The following HPF1 variants were observed in gnomAD, a reference collection of about 807,000 sequenced individuals.
HPF1 encodes UPF0609 protein C4orf27.
A neutral mutation model predicts 38.8 loss-of-function variants in HPF1; 35 were observed. The observed-to-expected ratio is 0.90, with a 90% CI of 0.69 to 1.19. The LOEUF (loss-of-function observed/expected upper bound fraction) is 1.19. HPF1 is among the 50% of genes most tolerant of loss of function. HPF1 has a pLI of 0.00. For missense variants in HPF1, 367 were observed against 405.8 expected (o/e 0.90, Z 0.82); for synonymous variants, 115 against 139.2 (o/e 0.83, Z 1.22).
chr4:169,735,154 G>GA (rs1733877008), intron 6 of HPF1, among the ~76,000 whole-genome samples: 1 of 150,036 alleles, frequency 6.7e-6, no homozygotes, highest in African/African-American at 2.4e-5. Flanking sequence ...AAGAAAGAAA[G>GA]AAAAAAAGAA....
At chr4:169,746,384 G>A (rs951001783) in intron 4 of HPF1, among the ~76,000 whole-genome samples, 1 of 151,974 alleles carries the variant, frequency 6.6e-6, no homozygotes, top group Non-Finnish European at 1.5e-5. Flanking sequence ...AGAAATCTTA[G>A]AATATGCTTT....
intron 1 of HPF1, 41 bp from the exon 2 acceptor site, chr4:169,753,876 T>C: frequency 6.6e-7 from 1 of 1,521,220 alleles, no homozygotes; most frequent in East Asian, 2.3e-5. Flanking sequence ...CAAATTTCAG[T>C]AACTCTCCTT....
chr4:169,757,762 C>A, intron 1 of HPF1, 68 bp downstream of exon 1: 1 of 1,382,990 alleles, frequency 7.2e-7, no homozygotes, highest in Non-Finnish European at 9.9e-7. Flanking sequence ...ATGAAAAGCG[C>A]TGCCTCCTGG....
chr4:169,750,609 A>G lies in HPF1; in HGVS notation c.325T>C (p.Tyr109His), dbSNP rs199715770. The change falls in exon 3 of 8, where the codon TAC (tyrosine) becomes CAC (histidine). Residue 109 changes from tyrosine (Y) to histidine (H), a missense_variant. Tyr to His is a moderately conservative substitution (Grantham distance 83, BLOSUM62 2). Coordinates refer to ENST00000393381, the MANE Select transcript of HPF1 (RefSeq NM_017867.3). ...GTCTGGAACTCAGGAGGATCATAGT[A>G]AAACCTCCAGTGAAGGTTAAAATTC... The part of the protein sequence containing the change: ...GLNFNLHWRF[Y>H]YDPPEFQTII... The G allele has an allele frequency of 6.2e-7, 1 of 1,612,716 alleles. No homozygotes were observed. Among genetic ancestry groups the G allele is most frequent in the African/African-American group, 1.3e-5 (1 of 75,000 alleles).
At chr4:169,753,049 T>TC (rs3074620) in intron 2 of HPF1, among the ~76,000 whole-genome samples, 5 of 148,240 alleles carry the variant, frequency 3.4e-5, no homozygotes, top group African/African-American at 1.2e-4. Context: ...TTTTTTTTTT[T>TC]CTGAGACAGG....
Position 169,731,690 on chromosome 4 carries a change from G to GT in HPF1, c.909+13dup, listed in dbSNP as rs1733830881. 10 of 1,505,064 alleles carry GT rather than the reference G, an allele frequency of 6.6e-6. No homozygotes were observed. The highest frequency in any genetic ancestry group is 2.4e-5 in the East Asian group (1 of 41,182). 93.2% of individuals were successfully genotyped at this position (1,505,064 alleles called of 1,614,324 possible). On this transcript the variant is annotated intron_variant, in intron 7 of 7. Transcript: ENST00000393381. ...TGTGGCAGTGGGTAGAAGGTGGAGG[G>GT]TTTTTTTACTCACATGTGAGCCATA... is the stretch of plus-strand genomic sequence containing the variant.
At chr4:169,737,606 C>T in intron 6 of HPF1, 54 bp downstream of exon 6, 1 of 1,140,668 alleles carries the variant, frequency 8.8e-7, no homozygotes, top group Non-Finnish European at 1.3e-6. Context: ...ATAAGCAAAA[C>T]CTTTATTCAT....
intron 6 of HPF1, among the ~76,000 whole-genome samples, chr4:169,735,081 C>A (rs1440444593): frequency 2.0e-5 from 3 of 150,692 alleles, no homozygotes; most frequent in African/African-American, 7.3e-5. Flanking sequence ...GAGCTGACAC[C>A]CTACCATTGC....
intron 1 of HPF1, 122 bp downstream of exon 1, chr4:169,757,708 C>T: frequency 9.9e-7 from 1 of 1,009,806 alleles, no homozygotes; most frequent in African/African-American, 1.6e-5. Flanking sequence ...CCGCAGCAAA[C>T]CGCAGCCCCT....
chr4:169,757,792 A>G lies in HPF1; in HGVS notation c.48+38T>C, dbSNP rs1185419581. ...TCCTGGTGCCCTGGCTGTCACCCAA[A>G]GCGCCCCGCGTAGCCCGCACAGCCT... On this transcript the variant is annotated intron_variant, in intron 1 of 7. Transcript: ENST00000393381. The G allele has an allele frequency of 1.7e-5, 26 of 1,539,268 alleles. No individual in the cohort carries two copies. In the African/African-American group the frequency reaches 3.0e-4, roughly 18 times the overall value.
chr4:169,748,772 T>C lies in HPF1; in HGVS notation c.469A>G (p.Asn157Asp), dbSNP rs749413333. The C allele has an allele frequency of 1.6e-5, 23 of 1,470,158 alleles. No homozygotes were observed. In the East Asian group the frequency reaches 5.3e-4, roughly 34 times the overall value. The allele number at this position is 1,470,158 out of a possible 1,614,324, so 91.1% of individuals were successfully genotyped here. ...EAKKNCIIVP[N>D]GDNVFAAVKL... ...ACTGCAGCAAATACATTATCTCCATTTGGAACAATTATACAATTTTTCTTT... is the reference window on the plus strand; with the variant it reads ...ACTGCAGCAAATACATTATCTCCATCTGGAACAATTATACAATTTTTCTTT... The change falls in exon 4 of 8, where the codon AAT becomes GAT. Residue 157 changes from asparagine to aspartate, a missense_variant. Transcript: ENST00000393381.
chr4:169,741,025 C>G (rs1255060272), intron 5 of HPF1, among the ~76,000 whole-genome samples: 2 of 152,090 alleles, frequency 1.3e-5, no homozygotes, highest in Non-Finnish European at 2.9e-5. Context: ...AATATAAAAT[C>G]TTAATATTTA....
intron 4 of HPF1, among the ~76,000 whole-genome samples, chr4:169,746,939 T>C (rs1402314746): frequency 2.1e-5 from 3 of 144,594 alleles, no homozygotes; most frequent in African/African-American, 7.6e-5. Context: ...AAAAAAAAGA[T>C]ACCAGAAGAG....
At chr4:169,737,802 A>C (rs921143602) in intron 5 of HPF1, 55 bp from the exon 6 acceptor site, 53 of 1,093,896 alleles carry the variant, frequency 4.8e-5, no homozygotes, top group Non-Finnish European at 6.8e-5. Flanking sequence ...TCAAAAAAAA[A>C]AATCCCCAAA....
chr4:169,742,299 G>A (rs534413115), intron 4 of HPF1, among the ~76,000 whole-genome samples, 192 bp from the exon 5 acceptor site: 2 of 152,090 alleles, frequency 1.3e-5, no homozygotes, highest in African/African-American at 2.4e-5. Context: ...ATAAAAAACT[G>A]CCAGTCAGAG....
At chr4:169,745,208 C>T (rs985521799) in intron 4 of HPF1, among the ~76,000 whole-genome samples, 1 of 152,130 alleles carries the variant, frequency 6.6e-6, no homozygotes, top group Admixed American at 6.5e-5. Flanking sequence ...GAAGAGGCCT[C>T]GAGAGGCCGG....
chr4:169,741,600 G>A (rs1450438879), intron 5 of HPF1, among the ~76,000 whole-genome samples: 1 of 152,176 alleles, frequency 6.6e-6, no homozygotes, highest in East Asian at 1.9e-4. Flanking sequence ...CACGTTTACT[G>A]GAGAAAATGT....
chr4:169,731,754 A>G lies in HPF1; in HGVS notation c.859T>C (p.Tyr287His). Residue 287 changes from tyrosine (Y) to histidine (H), a missense_variant, in exon 7 of 8, where the codon TAT becomes CAT. By Grantham distance (83) the Tyr-to-His change is moderately conservative (BLOSUM62 2). Transcript: ENST00000393381. The stretch of plus-strand genomic sequence containing the variant: ...ATTCCCAATTCAAGCCCCATGCCAT[A>G]ATCACATTCATCATTAGCAAACTGC... Reference protein sequence around the residue: ...FVQFANDECDYGMGLELGMDL... With the variant: ...FVQFANDECDHGMGLELGMDL... 2.5e-6 allele frequency: 4 copies of G among 1,594,558 alleles called. No homozygotes were observed. Among genetic ancestry groups the G allele is most frequent in the East Asian group, 2.2e-5 (1 of 44,536 alleles).
intron 6 of HPF1, among the ~76,000 whole-genome samples, chr4:169,733,629 G>A (rs997333622): frequency 6.6e-5 from 10 of 152,166 alleles, no homozygotes; most frequent in African/African-American, 2.2e-4. Flanking sequence ...AGTGGCTCAC[G>A]CCTGTAATCC....
Sources: gnomAD v4.1 joint callset for allele counts (sites outside exome capture counted in the v4.1 genomes callset) on GRCh38, gnomAD v4.1.1 for gene constraint, MANE v1.5 for transcripts, NCBI Gene and HGNC (gene_info 2026-07-23, HGNC 2026-07-21) for gene names.